Variants in LRRC28 observed in about 807,000 individuals in gnomAD.
LRRC28 encodes the protein leucine rich repeat containing 28, also known as leucine-rich repeat-containing protein 28.
A neutral mutation model predicts 45.7 loss-of-function variants in LRRC28; 39 were observed. That is an observed-to-expected ratio of 0.85 (90% CI 0.66 to 1.12). The LOEUF (loss-of-function observed/expected upper bound fraction) is 1.12, where lower values mean the gene tolerates loss of function less well. LRRC28 is among the 50% of genes most tolerant of loss of function. LRRC28 has a pLI of 0.00. For missense variants in LRRC28, 435 were observed against 438.5 expected (o/e 0.99, Z 0.07); for synonymous variants, 206 against 178.8 (o/e 1.15, Z -1.22).
chr15:99,270,457 C>G (rs941696895), intron 2 of LRRC28, among the ~76,000 whole-genome samples: 3 of 151,518 alleles, frequency 2.0e-5, no homozygotes, highest in African/African-American at 7.3e-5. Flanking sequence ...CACACCCAGC[C>G]CTGGTAACCA....
chr15:99,309,202 A>C (rs1346366737), intron 5 of LRRC28, among the ~76,000 whole-genome samples: 1 of 152,164 alleles, frequency 6.6e-6, no homozygotes, highest in Non-Finnish European at 1.5e-5. Context: ...TTTAGCTGTT[A>C]GTCCACTGTC....
chr15:99,360,148 C>G (rs1036961855), intron 7 of LRRC28, among the ~76,000 whole-genome samples: 5 of 152,156 alleles, frequency 3.3e-5, no homozygotes, highest in African/African-American at 1.2e-4. Flanking sequence ...GCCTCCTTCC[C>G]CTGTCCATCC....
intron 5 of LRRC28, among the ~76,000 whole-genome samples, chr15:99,327,687 CTTTT>C (rs975366514): frequency 4.6e-5 from 7 of 151,736 alleles, no homozygotes; most frequent in African/African-American, 1.5e-4. Flanking sequence ...TTTTCATTGA[CTTTT>C]TTTTCTGTTG....
chr15:99,296,987 T>G (rs2082280434), intron 5 of LRRC28, among the ~76,000 whole-genome samples: 1 of 152,078 alleles, frequency 6.6e-6, no homozygotes, highest in Non-Finnish European at 1.5e-5. Flanking sequence ...TGCCTCAGCT[T>G]GCTAGATGAC....
chr15:99,351,484 T>A (rs903913962), intron 6 of LRRC28, among the ~76,000 whole-genome samples: 1 of 152,148 alleles, frequency 6.6e-6, no homozygotes, highest in African/African-American at 2.4e-5. Flanking sequence ...CTTTCTAGGT[T>A]CATACCCACT....
At chr15:99,351,732 A>T (rs1222735529) in intron 6 of LRRC28, among the ~76,000 whole-genome samples, 1 of 152,212 alleles carries the variant, frequency 6.6e-6, no homozygotes. Flanking sequence ...AGAAAAAGTT[A>T]TTCAGTGGCA....
intron 7 of LRRC28, chr15:99,353,941 T>A (rs1180808094): frequency 2.0e-5 from 3 of 152,238 alleles, no homozygotes; most frequent in East Asian, 1.9e-4. Flanking sequence ...GTGAATTTCA[T>A]GAGAACTCCA....
intron 2 of LRRC28, among the ~76,000 whole-genome samples, chr15:99,260,923 T>TTTTG (rs912087919): frequency 3.3e-5 from 5 of 152,356 alleles, no homozygotes; most frequent in African/African-American, 1.2e-4. Flanking sequence ...TCTTAACATT[T>TTTTG]TTTGTTTGTT....
Position 99,258,024 on chromosome 15 carries a change from A to C in LRRC28, c.168+1899A>C. On this transcript the variant is annotated intron_variant, in intron 2 of 9. Transcript: ENST00000301981. Reference sequence around the variant, plus strand: ...TCTGGAAATGAGGAACTAACAGTCAAAATTAAGTGTGATAAGGTGAAGAAC... The same window carrying C: ...TCTGGAAATGAGGAACTAACAGTCACAATTAAGTGTGATAAGGTGAAGAAC... The C allele has an allele frequency of 3.6e-6, 4 of 1,117,688 alleles. 1 individual carries two copies. Among genetic ancestry groups the C allele is most frequent in the Non-Finnish European group, 5.5e-6 (4 of 728,352 alleles). 69.2% of individuals were successfully genotyped at this position (1,117,688 alleles called of 1,614,324 possible). A position where few individuals can be genotyped will look rare whatever the true frequency, so the allele number is the denominator to read the frequency against.
At chr15:99,331,631 G>A (rs1443662538) in intron 5 of LRRC28, among the ~76,000 whole-genome samples, 1 of 152,030 alleles carries the variant, frequency 6.6e-6, no homozygotes, top group Admixed American at 6.6e-5. Flanking sequence ...TCTCACAATA[G>A]CAAGTCCAGG....
chr15:99,383,225 A>G (rs982453891), intron 9 of LRRC28, among the ~76,000 whole-genome samples: 2 of 152,110 alleles, frequency 1.3e-5, no homozygotes, highest in Non-Finnish European at 2.9e-5. Flanking sequence ...ACTTGGAGCC[A>G]ATTGCATCTG....
chr15:99,333,625 A>G, intron 5 of LRRC28: 1 of 382,996 alleles, frequency 2.6e-6, no homozygotes, highest in South Asian at 3.9e-5. Context: ...TGACTCATCA[A>G]GATGCAGAAG....
At chr15:99,279,351 A>G (rs1017048898) in intron 3 of LRRC28, among the ~76,000 whole-genome samples, 17 of 152,102 alleles carry the variant, frequency 1.1e-4, no homozygotes, top group African/African-American at 4.1e-4. Context: ...TTCCTTTTAC[A>G]GTTTGTGGTT....
At chr15:99,313,253 C>T (rs1019588634) in intron 5 of LRRC28, among the ~76,000 whole-genome samples, 30 of 152,088 alleles carry the variant, frequency 2.0e-4, no homozygotes, top group African/African-American at 7.2e-4. Flanking sequence ...AATGTAGATG[C>T]ACTTACCAAA....
intron 3 of LRRC28, among the ~76,000 whole-genome samples, chr15:99,278,431 A>G (rs1207054462): frequency 6.6e-6 from 1 of 152,140 alleles, no homozygotes; most frequent in Non-Finnish European, 1.5e-5. Flanking sequence ...TATTTTTAGT[A>G]GAGACGGGGT....
chr15:99,280,736 G>T (rs2081763172), intron 3 of LRRC28, among the ~76,000 whole-genome samples: 1 of 151,968 alleles, frequency 6.6e-6, no homozygotes, highest in Non-Finnish European at 1.5e-5. Context: ...TCTTGGGGTT[G>T]TGTCTTAACA....
chr15:99,304,647 G>A (rs1039894692), intron 5 of LRRC28, among the ~76,000 whole-genome samples: 19 of 151,636 alleles, frequency 1.3e-4, no homozygotes, highest in Non-Finnish European at 2.4e-4. Context: ...GGGTTTCACC[G>A]TGTTGGCCAG....
intron 2 of LRRC28, among the ~76,000 whole-genome samples, chr15:99,271,774 T>G (rs954022293): frequency 6.6e-6 from 1 of 152,146 alleles, no homozygotes; most frequent in African/African-American, 2.4e-5. Context: ...TTTTTTTGTA[T>G]TTTTAGTAGA....
At chr15:99,289,606 C>T (rs570629489) in intron 5 of LRRC28, among the ~76,000 whole-genome samples, 116 of 152,306 alleles carry the variant, frequency 7.6e-4, no homozygotes, top group African/African-American at 2.6e-3. Flanking sequence ...ACTTTATGTT[C>T]TGGCCTTAAT....
Sources: gnomAD v4.1 joint callset for allele counts (sites outside exome capture counted in the v4.1 genomes callset) on GRCh38, gnomAD v4.1.1 for gene constraint, MANE v1.5 for transcripts, NCBI Gene and HGNC (gene_info 2026-07-23, HGNC 2026-07-21) for gene names.